Variants in HUWE1 observed in about 807,000 individuals in gnomAD.
HUWE1 encodes HECT, UBA and WWE domain containing E3 ubiquitin protein ligase 1.
HUWE1 carries 18 observed loss-of-function variants against 299.4 expected under a neutral mutation model. The observed-to-expected ratio is 0.06, with a 90% CI of 0.04 to 0.09. The LOEUF (loss-of-function observed/expected upper bound fraction) is 0.09. HUWE1 is among the 10% of genes least tolerant of loss of function. The pLI, the probability that HUWE1 is intolerant of heterozygous loss-of-function variation, is 1.00. For missense variants in HUWE1, 1,832 were observed against 3,462.3 expected (o/e 0.53, Z 11.82); for synonymous variants, 1,317 against 1,286.1 (o/e 1.02, Z -0.51).
chrX:53,675,200 G>A (rs2069756472), intron 3 of HUWE1, among the ~76,000 whole-genome samples: 1 of 111,307 alleles, frequency 9.0e-6, no homozygotes, highest in Admixed American at 9.6e-5. Flanking sequence ...GAGGAAAGAT[G>A]GAAGTAAGGC....
chrX:53,684,421 T>A (rs1324803348), intron 2 of HUWE1, among the ~76,000 whole-genome samples: 1 of 112,272 alleles, frequency 8.9e-6, no homozygotes, highest in African/African-American at 3.2e-5. Context: ...CCACGAGGTT[T>A]CCGACCCACT....
At chrX:53,656,930 A>C (rs1569512183) in intron 3 of HUWE1, among the ~76,000 whole-genome samples, 1 of 111,472 alleles carries the variant, frequency 9.0e-6, no homozygotes, top group African/African-American at 3.3e-5. Context: ...AAAAAAAAAA[A>C]CAATTCAGTC....
chrX:53,533,951 C>G, intron 83 of HUWE1, 56 bp downstream of exon 83: 2 of 1,098,253 alleles, frequency 1.8e-6, no homozygotes, highest in Non-Finnish European at 2.5e-6. Flanking sequence ...CTGAAAACAT[C>G]AAGTATGCAA....
intron 76 of HUWE1, 137 bp downstream of exon 76, chrX:53,538,696 GTA>G (rs2061179873): frequency 3.5e-6 from 2 of 576,994 alleles, no homozygotes; most frequent in African/African-American, 5.2e-5. Context: ...GTGTGTGTAT[GTA>G]CACACACACA....
Position 53,547,686 on chromosome X carries a change from G to A in HUWE1, c.10623C>T (p.Thr3541=). Reference sequence around the variant, plus strand: ...ATCCACACTTACTTGAAACAGTAGTGGTAGCAGTCGTGGGGGTAGTCACTG... The same window carrying A: ...ATCCACACTTACTTGAAACAGTAGTAGTAGCAGTCGTGGGGGTAGTCACTG... ...STTVTTPTTA[T]TTVSISPTTK... Residue 3541 remains threonine (T), a synonymous_variant, in exon 68 of 84, where the codon ACC becomes ACT. Coordinates refer to ENST00000262854, the MANE Select transcript of HUWE1 (RefSeq NM_031407.7). 8.3e-7 allele frequency: 1 copy of A among 1,210,122 alleles called. No homozygotes were observed. The highest frequency in any genetic ancestry group is 3.0e-5 in the East Asian group (1 of 33,819).
intron 4 of HUWE1, among the ~76,000 whole-genome samples, chrX:53,649,414 T>C (rs781835635): frequency 8.9e-5 from 10 of 112,022 alleles, no homozygotes; most frequent in South Asian, 3.7e-4. Flanking sequence ...CATGTACCTA[T>C]ATATCCAGCA....
rs782333060 is a variant in HUWE1, at chrX:53,536,528, T to C, written c.12277A>G (p.Ile4093Val). Reference protein sequence around the residue: ...TSPGDRVTYTINPSSHCNPNH... With the variant: ...TSPGDRVTYTVNPSSHCNPNH... The stretch of plus-strand genomic sequence containing the variant: ...GGGTTGCAGTGGGAAGATGGATTGA[T>C]GGTGTAGGTGACTCGATCACCAGGT... Residue 4093 changes from isoleucine (I) to valine (V), a missense_variant, in exon 79 of 84, where the codon ATC (isoleucine) becomes GTC (valine). Transcript: ENST00000262854. 6 of 1,211,348 alleles carry C rather than the reference T, an allele frequency of 5.0e-6. No individual in the cohort carries two copies. Among genetic ancestry groups the C allele is most frequent in the Non-Finnish European group, 6.7e-6 (6 of 895,320 alleles).
At chrX:53,537,435 T>C (rs1556914022) in intron 78 of HUWE1, 121 bp downstream of exon 78, 10 of 731,415 alleles carry the variant, frequency 1.4e-5, no homozygotes, top group Non-Finnish European at 1.9e-5. Flanking sequence ...CAGATTCCTA[T>C]GGGGAATTCC....
chrX:53,637,607 A>T (rs1469438611), intron 7 of HUWE1, among the ~76,000 whole-genome samples: 2 of 112,690 alleles, frequency 1.8e-5, no homozygotes, highest in Non-Finnish European at 3.7e-5. Flanking sequence ...TTGCAACTTG[A>T]TAAAAAACAA....
At chrX:53,596,116 TA>T (rs2064449413) in intron 29 of HUWE1, among the ~76,000 whole-genome samples, 2 of 112,471 alleles carry the variant, frequency 1.8e-5, no homozygotes, top group African/African-American at 6.5e-5. Context: ...ATTTTAAAAA[TA>T]AACGTTATTT....
intron 2 of HUWE1, among the ~76,000 whole-genome samples, chrX:53,681,161 T>C: frequency 1.8e-5 from 2 of 111,269 alleles, no homozygotes; most frequent in East Asian, 5.6e-4. Context: ...ATCAATATAT[T>C]AACAGTAAGG....
intron 59 of HUWE1, 27 bp downstream of exon 59, chrX:53,558,628 T>C (rs2062145221): frequency 1.7e-6 from 2 of 1,197,558 alleles, no homozygotes; most frequent in Admixed American, 2.2e-5. Context: ...CAGTCAAAGA[T>C]GAATCCTCCC....
Position 53,544,744 on chromosome X carries a change from A to G in HUWE1, c.11067T>C (p.Asn3689=). Residue 3689 remains asparagine (N), a synonymous_variant, in exon 72 of 84, where the codon AAT becomes AAC. Transcript: ENST00000262854. ...GCTTCTGAGATGCCACAATTACCAC[A>G]TTCTCAGCCATGTCAAACCTGGATA... is the stretch of plus-strand genomic sequence containing the variant. ...KMQSRFDMAE[N]VVIVASQKRP... is the part of the protein sequence containing the mutation. 8.3e-7 allele frequency: 1 copy of G among 1,204,753 alleles called. No individual in the cohort carries two copies.
At chrX:53,641,184 A>G (rs188776189) in intron 7 of HUWE1, among the ~76,000 whole-genome samples, 28 of 112,091 alleles carry the variant, frequency 2.5e-4, no homozygotes, top group Non-Finnish European at 4.9e-4. Flanking sequence ...TCTAAGCAAC[A>G]TAAGGTATAC....
At chrX:53,669,624 T>G (rs2069418194) in intron 3 of HUWE1, among the ~76,000 whole-genome samples, 1 of 112,490 alleles carries the variant, frequency 8.9e-6, no homozygotes, top group African/African-American at 3.2e-5. Flanking sequence ...CAGCTAAAAG[T>G]AACCATGCTA....
At chrX:53,587,287 A>T (rs1280855378) in intron 37 of HUWE1, among the ~76,000 whole-genome samples, 1 of 112,347 alleles carries the variant, frequency 8.9e-6, no homozygotes, top group Non-Finnish European at 1.9e-5. Context: ...AAATTTTATA[A>T]TCTTTCAAGG....
chrX:53,554,028 C>T (rs2061886756), intron 61 of HUWE1, among the ~76,000 whole-genome samples: 1 of 110,431 alleles, frequency 9.1e-6, no homozygotes, highest in South Asian at 3.9e-4. Flanking sequence ...TAAACAGTGT[C>T]TGCCAGGAGA....
At chrX:53,661,865 T>C (rs2069022154) in intron 3 of HUWE1, among the ~76,000 whole-genome samples, 1 of 112,091 alleles carries the variant, frequency 8.9e-6, no homozygotes, top group African/African-American at 3.2e-5. Context: ...AATCTTGGTT[T>C]TGTACAGTTT....
intron 3 of HUWE1, among the ~76,000 whole-genome samples, chrX:53,656,267 T>G (rs912837699): frequency 1.8e-5 from 2 of 109,733 alleles, no homozygotes; most frequent in African/African-American, 3.3e-5. Flanking sequence ...TCCCAGCTAC[T>G]TGGGAGGCTG....
Sources: allele counts gnomAD v4.1 joint callset (sites outside exome capture counted in the v4.1 genomes callset), GRCh38; gene constraint gnomAD v4.1.1; transcripts MANE v1.5; gene names NCBI Gene and HGNC (gene_info 2026-07-23, HGNC 2026-07-21).